The following URI1 variants were observed in gnomAD, a reference collection of about 807,000 sequenced individuals.
URI1 encodes unconventional prefoldin RPB5 interactor 1.
A neutral mutation model predicts 60.2 loss-of-function variants in URI1; 39 were observed. The ratio of observed to expected loss-of-function variants is 0.65; its 90% confidence interval spans 0.50 to 0.85. The LOEUF is 0.85. Ranked by LOEUF, URI1 falls within the 40% of genes least tolerant of loss-of-function variation. The pLI is 0.00. For synonymous variants in URI1, 251 were observed against 236.8 expected (o/e 1.06, Z -0.55); for missense variants, 691 against 665.9 (o/e 1.04, Z -0.42).
chr19:29,986,451 G>T, intron 4 of URI1, 34 bp downstream of exon 4: 5 of 1,594,554 alleles, frequency 3.1e-6, no homozygotes, highest in Non-Finnish European at 4.3e-6. Flanking sequence ...TTTCTTTGTT[G>T]TATATGTATC....
At chr19:29,980,059 A>C (rs1382699092) in intron 2 of URI1, 1 of 152,162 alleles carries the variant, frequency 6.6e-6, no homozygotes, top group Non-Finnish European at 1.5e-5. Context: ...GGATACTTTG[A>C]AAAAAATCAT....
intron 4 of URI1, among the ~76,000 whole-genome samples, chr19:30,000,130 A>G (rs2055860003): frequency 6.6e-6 from 1 of 151,772 alleles, no homozygotes; most frequent in Admixed American, 6.6e-5. Flanking sequence ...TCATGCTTAG[A>G]TATTATGTAA....
chr19:29,934,549 G>A (rs994045436), intron 1 of URI1, among the ~76,000 whole-genome samples: 11 of 151,548 alleles, frequency 7.3e-5, no homozygotes, highest in African/African-American at 2.7e-4. Flanking sequence ...CTTCTTCTCT[G>A]TTATGACATG....
At chr19:29,941,634 A>T (rs1409025827), upstream of URI1, among the ~76,000 whole-genome samples, 5 of 151,968 alleles carry the variant, frequency 3.3e-5, no homozygotes, top group Non-Finnish European at 5.9e-5. Flanking sequence ...AAAAAAAAAA[A>T]AAAAAAAAGA....
intron 1 of URI1, among the ~76,000 whole-genome samples, chr19:29,950,198 A>G (rs1386681117): frequency 2.3e-4 from 3 of 13,226 alleles, no homozygotes; most frequent in Non-Finnish European, 4.0e-4. Flanking sequence ...GGAGGAAAAA[A>G]CCCATTTCAT....
intron 1 of URI1, among the ~76,000 whole-genome samples, chr19:29,927,117 T>G (rs1009671959): frequency 2.6e-5 from 4 of 152,134 alleles, no homozygotes; most frequent in African/African-American, 9.7e-5. Context: ...AGGTGAGCAG[T>G]GATGGTGTCT....
intron 1 of URI1, among the ~76,000 whole-genome samples, chr19:29,943,075 A>G (rs1421087310): frequency 6.6e-6 from 1 of 152,100 alleles, no homozygotes; most frequent in Non-Finnish European, 1.5e-5. Flanking sequence ...TTCCTGTGCA[A>G]TATTTGGTTA....
intron 1 of URI1, among the ~76,000 whole-genome samples, chr19:29,935,943 C>A (rs537121763): frequency 1.3e-5 from 2 of 152,020 alleles, no homozygotes; most frequent in East Asian, 1.9e-4. Flanking sequence ...CCCGCCACCA[C>A]GCCTGGCTAG....
chr19:29,991,337 A>G (rs1236432328), intron 4 of URI1, among the ~76,000 whole-genome samples: 1 of 152,174 alleles, frequency 6.6e-6, no homozygotes. Flanking sequence ...TGTTAGGTTT[A>G]TATCTAAGTG....
chr19:30,010,948 C>A, intron 8 of URI1, 146 bp from the exon 9 acceptor site: 1 of 794,074 alleles, frequency 1.3e-6, no homozygotes, highest in South Asian at 2.1e-5. Flanking sequence ...TAAAAAATTC[C>A]ATCTGATAAT....
chr19:29,943,210 C>T (rs1294810854), intron 1 of URI1, among the ~76,000 whole-genome samples: 5 of 152,130 alleles, frequency 3.3e-5, no homozygotes, highest in Non-Finnish European at 5.9e-5. Context: ...CCTTCCCCAC[C>T]TCGCCTCCCA....
intron 7 of URI1, among the ~76,000 whole-genome samples, chr19:30,008,047 C>T (rs1398237273): frequency 6.6e-6 from 1 of 152,058 alleles, no homozygotes; most frequent in Non-Finnish European, 1.5e-5. Context: ...AACAAAAATA[C>T]ACTTTGAATT....
intron 2 of URI1, among the ~76,000 whole-genome samples, chr19:29,978,719 A>T (rs1696444315): frequency 6.6e-6 from 1 of 152,210 alleles, no homozygotes; most frequent in Non-Finnish European, 1.5e-5. Context: ...AGAGAAATGT[A>T]GGCTGTGAAA....
chr19:29,930,667 A>G lies in URI1; in HGVS notation c.63+6913A>G, dbSNP rs373086161. Among the ~76,000 whole-genome samples the G allele has an allele frequency of 5.9e-5, 9 of 152,224 alleles. 1 individual carries two copies. In the East Asian group the frequency reaches 1.4e-3, roughly 23 times the overall value. ...GCTCTTTATTCTAGCCTATTGGACT[A>G]TATGACTATCTGAGACCACAATGTT... On this transcript the variant is annotated intron_variant, in intron 1 of 10. Transcript: ENST00000360605.
chr19:29,947,245 CATGCATATGTGAAGAA>C (rs1945906203), intron 1 of URI1, among the ~76,000 whole-genome samples: 1 of 152,188 alleles, frequency 6.6e-6, no homozygotes, highest in African/African-American at 2.4e-5. Context: ...ATCCATTTGT[CATGCATATGTGAAGAA>C]ATGGACGGAT....
chr19:29,950,734 A>T (rs550916934), intron 1 of URI1, among the ~76,000 whole-genome samples: 1 of 152,172 alleles, frequency 6.6e-6, no homozygotes. Flanking sequence ...ACATTTTCTC[A>T]GTTTTTCTAA....
intron 1 of URI1, chr19:29,956,564 C>T (rs1401593600): frequency 5.3e-6 from 8 of 1,521,048 alleles, no homozygotes; most frequent in African/African-American, 1.4e-5. Context: ...AGGATTAATT[C>T]ATCTTTCTGG....
chr19:29,935,700 C>CTTTTTTTTT lies in URI1; in HGVS notation c.63+11952_63+11960dup, dbSNP rs34820413. On this transcript the variant is annotated intron_variant, in intron 1 of 10. Transcript: ENST00000360605. Reference sequence around the variant, plus strand: ...TGGTAGGAAATTCTTGGTTGACAGTCTTTTTTTTTTTTTTCCCCAGGACTT... The same window carrying CTTTTTTTTT: ...TGGTAGGAAATTCTTGGTTGACAGTCTTTTTTTTTTTTTTTTTTTTTTTCCCCAGGACTT... Among the ~76,000 whole-genome samples the CTTTTTTTTT allele has an allele frequency of 1.8e-3, 237 of 131,720 alleles. 1 individual carries two copies. The highest frequency in any genetic ancestry group is 1.6e-3 in the Non-Finnish European group (100 of 62,914). The allele number at this position is 131,720 out of a possible 152,430, so 86.4% of individuals were successfully genotyped here.
chr19:29,953,569 C>G (rs2055205945), intron 1 of URI1, among the ~76,000 whole-genome samples: 1 of 152,086 alleles, frequency 6.6e-6, no homozygotes, highest in Admixed American at 6.5e-5. Flanking sequence ...TTTATACTGT[C>G]TTGAAAGATG....
Sources: gnomAD v4.1 joint callset for allele counts (sites outside exome capture counted in the v4.1 genomes callset) on GRCh38, gnomAD v4.1.1 for gene constraint, MANE v1.5 for transcripts, NCBI Gene and HGNC (gene_info 2026-07-23, HGNC 2026-07-21) for gene names.